ANKDD1B: variants seen among roughly 807,000 people sequenced by gnomAD.
ANKDD1B encodes ankyrin repeat and death domain-containing protein 1B.
A neutral mutation model predicts 59.7 loss-of-function variants in ANKDD1B; 57 were observed. The ratio of observed to expected loss-of-function variants is 0.95; its 90% confidence interval spans 0.77 to 1.19. The LOEUF (loss-of-function observed/expected upper bound fraction) is 1.19. ANKDD1B is among the 50% of genes most tolerant of loss of function. The pLI is 0.00. For synonymous variants in ANKDD1B, 216 were observed against 239.5 expected (o/e 0.90, Z 0.91); for missense variants, 602 against 641.9 (o/e 0.94, Z 0.67).
intron 5 of ANKDD1B, among the ~76,000 whole-genome samples, chr5:75,631,664 G>A (rs1774163913): frequency 6.6e-6 from 1 of 152,158 alleles, no homozygotes; most frequent in African/African-American, 2.4e-5. Context: ...AATACCTCCT[G>A]GACAGCTATG....
At chr5:75,643,661 G>A (rs1248768819) in intron 7 of ANKDD1B, among the ~76,000 whole-genome samples, 1 of 41,802 alleles carries the variant, frequency 2.4e-5, no homozygotes, top group Non-Finnish European at 3.9e-5. Flanking sequence ...GAACCAAGTT[G>A]GAAAACACTC....
chr5:75,667,094 T>G (rs1394934406), intron 12 of ANKDD1B, 101 bp downstream of exon 12: 1 of 726,498 alleles, frequency 1.4e-6, no homozygotes, highest in Non-Finnish European at 2.0e-6. Flanking sequence ...GCACTCACAA[T>G]AAGCTGCAGT....
At chr5:75,669,737 T>G (rs1775423411) in intron 13 of ANKDD1B, among the ~76,000 whole-genome samples, 1 of 152,064 alleles carries the variant, frequency 6.6e-6, no homozygotes, top group Non-Finnish European at 1.5e-5. Flanking sequence ...CGACTAAGAG[T>G]TGTCTTGCTC....
intron 1 of ANKDD1B, among the ~76,000 whole-genome samples, chr5:75,613,828 A>G (rs976056377): frequency 1.3e-5 from 2 of 152,184 alleles, no homozygotes; most frequent in Admixed American, 6.5e-5. Context: ...GACTGGACTT[A>G]AAAACGATCT....
intron 6 of ANKDD1B, chr5:75,635,504 A>T: frequency 3.4e-6 from 1 of 291,598 alleles, no homozygotes; most frequent in Non-Finnish European, 6.3e-6. Flanking sequence ...GGTCAAATGG[A>T]ATTGCTTTTG....
intron 7 of ANKDD1B, among the ~76,000 whole-genome samples, chr5:75,640,069 G>C (rs1299221030): frequency 6.6e-6 from 1 of 150,450 alleles, no homozygotes. Flanking sequence ...TTTGAGATGA[G>C]GTCTCACTCT....
At chr5:75,617,180 G>C (rs1319797478) in intron 2 of ANKDD1B, among the ~76,000 whole-genome samples, 1 of 152,148 alleles carries the variant, frequency 6.6e-6, no homozygotes, top group Non-Finnish European at 1.5e-5. Flanking sequence ...AAAGCCAGCT[G>C]TCAGGGTTGC....
intron 5 of ANKDD1B, among the ~76,000 whole-genome samples, chr5:75,626,622 C>T (rs1206220203): frequency 1.3e-5 from 2 of 152,152 alleles, no homozygotes; most frequent in African/African-American, 4.8e-5. Context: ...GACCAAACAC[C>T]TGATCAAAAG....
Position 75,656,009 on chromosome 5 carries a change from AT to A in ANKDD1B, c.898-15del, listed in dbSNP as rs1381052235. ...GAAGCCAGAACCTTCTGGATTTGAA[AT>A]TTTTATTTCTCTCTGCAGCCTAAGG... is the stretch of plus-strand genomic sequence containing the variant. On this transcript the variant is annotated intron_variant, in intron 8 of 13. Coordinates refer to ENST00000601380, the MANE Select transcript of ANKDD1B (RefSeq NM_001276713.2). The A allele has an allele frequency of 2.4e-6, 3 of 1,226,144 alleles. No individual in the cohort carries two copies. The highest frequency in any genetic ancestry group is 1.5e-5 in the African/African-American group (1 of 65,818). 76.0% of individuals were successfully genotyped at this position (1,226,144 alleles called of 1,614,324 possible).
chr5:75,666,916 C>A lies in ANKDD1B; in HGVS notation c.1316C>A (p.Ala439Asp). ...GACCTGGCTTACCATCAGCTGAAGG[C>A]CAATGAGTGGCAGAGGCTGGCCCGT... is the stretch of plus-strand genomic sequence containing the variant. ...LWDLAYHQLK[A>D]NEWQRLARSW... The change falls in exon 12 of 14, where the codon GCC (alanine) becomes GAC (aspartate). Residue 439 changes from alanine to aspartate, a missense_variant. Physicochemically the swap from Ala to Asp is moderately radical, Grantham distance 126. Transcript: ENST00000601380. 1 of 1,531,412 alleles carries A rather than the reference C, an allele frequency of 6.5e-7. No individual in the cohort carries two copies. The highest frequency in any genetic ancestry group is 1.4e-5 in the African/African-American group (1 of 72,896). 94.9% of individuals were successfully genotyped at this position (1,531,412 alleles called of 1,614,324 possible). A position where few individuals can be genotyped will look rare whatever the true frequency, so the allele number is the denominator to read the frequency against.
chr5:75,626,065 G>C lies in ANKDD1B; in HGVS notation c.600+110G>C, dbSNP rs1431488578. 4 of 744,380 alleles carry C rather than the reference G, an allele frequency of 5.4e-6. No homozygotes were observed. In the African/African-American group the frequency reaches 6.9e-5, roughly 13 times the overall value. 46.1% of individuals were successfully genotyped at this position (744,380 alleles called of 1,614,324 possible). A position where few individuals can be genotyped will look rare whatever the true frequency, so the allele number is the denominator to read the frequency against. ...AGCCAGCACAGACAGACCCGGCCCT[G>C]TAGCCGGCTCCTCCATCACCATGGC... On this transcript the variant is annotated intron_variant, in intron 5 of 13. Transcript: ENST00000601380.
rs933150724 is a variant in ANKDD1B, at chr5:75,671,447, T to G, written c.*407T>G. The G allele has an allele frequency of 6.5e-6, 1 of 153,140 alleles. No homozygotes were observed. Among genetic ancestry groups the G allele is most frequent in the African/African-American group, 2.4e-5 (1 of 41,516 alleles). 9.5% of individuals were successfully genotyped at this position (153,140 alleles called of 1,614,324 possible). On this transcript the variant is annotated 3_prime_UTR_variant, in exon 14 of 14. Coordinates refer to ENST00000601380, the MANE Select transcript of ANKDD1B (RefSeq NM_001276713.2). ...ATTAGATGTGAACCTTTGGGCATGT[T>G]AATGTTGTTTACGTTCTTAGATCTT...
chr5:75,648,981 G>T (rs1298202763), intron 7 of ANKDD1B, among the ~76,000 whole-genome samples: 1 of 152,164 alleles, frequency 6.6e-6, no homozygotes, highest in Non-Finnish European at 1.5e-5. Flanking sequence ...GTTGGAGTGA[G>T]ATTATGAATG....
chr5:75,644,435 A>G (rs1197562215), intron 7 of ANKDD1B, among the ~76,000 whole-genome samples: 1 of 69,532 alleles, frequency 1.4e-5, no homozygotes, highest in East Asian at 3.1e-4. Context: ...AAAAAAAGGC[A>G]GGGGTTGCAA....
intron 12 of ANKDD1B, among the ~76,000 whole-genome samples, chr5:75,669,014 T>A (rs1472626457): frequency 6.6e-6 from 1 of 152,198 alleles, no homozygotes; most frequent in Non-Finnish European, 1.5e-5. Context: ...ACAGCTGTCC[T>A]CTCTCTTGTA....
Position 75,670,984 on chromosome 5 carries a change from A to G in ANKDD1B, c.1531A>G (p.Thr511Ala). ...TGTTATCTTATTTTTTCCAGAAAAG[A>G]CTCGTCATTTCAAAAGCAAAACTGA... The part of the protein sequence containing the change: ...HAGFPKLAEK[T>A]RHFKSKTDSN... Residue 511 changes from threonine to alanine, a missense_variant, in exon 14 of 14, where the codon ACT (threonine) becomes GCT (alanine). Thr to Ala is a moderately conservative substitution (Grantham distance 58, BLOSUM62 0). Transcript: ENST00000601380. 2 of 1,225,460 alleles carry G rather than the reference A, an allele frequency of 1.6e-6. No individual in the cohort carries two copies. The highest frequency in any genetic ancestry group is 2.0e-6 in the Non-Finnish European group (2 of 982,004). The allele number at this position is 1,225,460 out of a possible 1,614,324, so 75.9% of individuals were successfully genotyped here.
chr5:75,625,685 G>C lies in ANKDD1B; in HGVS notation c.435G>C (p.Gly145=), dbSNP rs1326527226. The change falls in exon 4 of 14, where the codon GGG becomes GGC. Residue 145 remains glycine (G), a synonymous_variant. Coordinates refer to ENST00000601380, the MANE Select transcript of ANKDD1B (RefSeq NM_001276713.2). ...TAATTCACCTTGCAGCCTGGTCTGG[G>C]AGCCTTGAGGTCATGCTCATGCTGG... The part of the protein sequence containing the change: ...LTVIHLAAWS[G]SLEVMLMLVK... 1.3e-6 allele frequency: 2 copies of C among 1,536,478 alleles called. No individual in the cohort carries two copies. Among genetic ancestry groups the C allele is most frequent in the Admixed American group, 3.9e-5 (2 of 50,998 alleles).
At chr5:75,651,757 G>A (rs903394797) in intron 7 of ANKDD1B, among the ~76,000 whole-genome samples, 5 of 152,212 alleles carry the variant, frequency 3.3e-5, no homozygotes, top group Non-Finnish European at 7.3e-5. Flanking sequence ...CCTAGGCATA[G>A]TGTCTTAGTC....
At chr5:75,639,490 C>T (rs900792934) in intron 7 of ANKDD1B, among the ~76,000 whole-genome samples, 2 of 152,174 alleles carry the variant, frequency 1.3e-5, no homozygotes, top group African/African-American at 4.8e-5. Flanking sequence ...AGCCACTGCA[C>T]CCGGCGGAGA....
Sources: gnomAD v4.1 joint callset for allele counts (sites outside exome capture counted in the v4.1 genomes callset) on GRCh38, gnomAD v4.1.1 for gene constraint, MANE v1.5 for transcripts, NCBI Gene and HGNC (gene_info 2026-07-23, HGNC 2026-07-21) for gene names.